PRKCE: variants seen among roughly 807,000 people sequenced by gnomAD.
The protein encoded by PRKCE is protein kinase C epsilon type.
Under a neutral mutation model 85.4 loss-of-function variants are expected in PRKCE, and 16 were observed. The observed-to-expected ratio is 0.19, with a 90% CI of 0.13 to 0.28. PRKCE has a LOEUF of 0.28. Among genes scored for constraint, PRKCE ranks in the 10% least tolerant of loss-of-function variants. The pLI is 1.00. For missense variants in PRKCE, 573 were observed against 975.2 expected, an observed-to-expected ratio of 0.59 and a Z score of 5.49; for synonymous variants, 388 against 371.5, an observed-to-expected ratio of 1.04 and a Z score of -0.51.
chr2:45,936,401 T>G (rs1335086209), intron 2 of PRKCE, among the ~76,000 whole-genome samples: 2 of 152,204 alleles, frequency 1.3e-5, no homozygotes, highest in Non-Finnish European at 2.9e-5. Flanking sequence ...CACGTGGTTT[T>G]GAATCACTCA....
At chr2:45,820,579 C>T (rs1298297948) in intron 1 of PRKCE, among the ~76,000 whole-genome samples, 4 of 152,068 alleles carry the variant, frequency 2.6e-5, no homozygotes, top group South Asian at 2.1e-4. Flanking sequence ...AGAAATGACT[C>T]GTGACAGCAG....
At chr2:45,941,705 C>G (rs374822406) in intron 2 of PRKCE, among the ~76,000 whole-genome samples, 1 of 152,244 alleles carries the variant, frequency 6.6e-6, no homozygotes, top group East Asian at 1.9e-4. Context: ...GCCTGGGTCA[C>G]TGAGCAATTC....
chr2:45,899,245 T>C (rs1252921022), intron 2 of PRKCE, among the ~76,000 whole-genome samples: 1 of 152,196 alleles, frequency 6.6e-6, no homozygotes, highest in East Asian at 1.9e-4. Flanking sequence ...AACTTTGTCT[T>C]TGGAAATTAA....
chr2:46,072,089 G>C (rs1368912616), intron 10 of PRKCE, among the ~76,000 whole-genome samples: 1 of 152,210 alleles, frequency 6.6e-6, no homozygotes, highest in Non-Finnish European at 1.5e-5. Context: ...ACTGCTCAGT[G>C]TTCAGAGTAA....
intron 1 of PRKCE, among the ~76,000 whole-genome samples, chr2:45,808,071 C>T (rs532190857): frequency 3.9e-4 from 59 of 152,244 alleles, no homozygotes; most frequent in Admixed American, 9.2e-4. Flanking sequence ...ATCATGGTAG[C>T]GCATAGTGGT....
chr2:45,782,602 G>A (rs2105014993), intron 1 of PRKCE, among the ~76,000 whole-genome samples: 1 of 152,242 alleles, frequency 6.6e-6, no homozygotes, highest in East Asian at 1.9e-4. Flanking sequence ...GAAAGCCAGT[G>A]TTTCCAAGAT....
At chr2:45,938,614 A>G (rs1038868206) in intron 2 of PRKCE, among the ~76,000 whole-genome samples, 2 of 152,078 alleles carry the variant, frequency 1.3e-5, no homozygotes, top group African/African-American at 4.8e-5. Flanking sequence ...TCCAATTTGC[A>G]TTCTTTCCTA....
chr2:45,959,166 G>A (rs778611867), intron 2 of PRKCE, among the ~76,000 whole-genome samples: 7 of 152,032 alleles, frequency 4.6e-5, no homozygotes, highest in Non-Finnish European at 8.8e-5. Context: ...GCAAGAGGAA[G>A]GTGGTTGTCG....
At chr2:45,781,778 C>T (rs571203283) in intron 1 of PRKCE, among the ~76,000 whole-genome samples, 1 of 152,118 alleles carries the variant, frequency 6.6e-6, no homozygotes, top group Non-Finnish European at 1.5e-5. Context: ...TTATCACTTT[C>T]CTAAACTCCT....
chr2:45,933,249 G>A (rs949721053), intron 2 of PRKCE, among the ~76,000 whole-genome samples: 3 of 152,134 alleles, frequency 2.0e-5, no homozygotes, highest in African/African-American at 7.2e-5. Flanking sequence ...TGAATTGCAA[G>A]TACCTTCTTG....
At chr2:46,061,201 C>G (rs1667089920) in intron 10 of PRKCE, among the ~76,000 whole-genome samples, 1 of 150,462 alleles carries the variant, frequency 6.6e-6, no homozygotes, top group African/African-American at 2.5e-5. Context: ...CCTCAAATGC[C>G]CAGGCTCAGG....
At chr2:45,691,860 C>T (rs961546107) in intron 1 of PRKCE, among the ~76,000 whole-genome samples, 4 of 152,210 alleles carry the variant, frequency 2.6e-5, no homozygotes, top group Non-Finnish European at 4.4e-5. Flanking sequence ...TTCCATGAGG[C>T]ATGGGAAGCC....
chr2:46,179,400 C>A (rs1679751326), intron 14 of PRKCE, among the ~76,000 whole-genome samples: 1 of 152,094 alleles, frequency 6.6e-6, no homozygotes, highest in Non-Finnish European at 1.5e-5. Context: ...GGCCTCAGAG[C>A]TGCCTGAGCT....
rs1434067419 is a variant in PRKCE, at chr2:45,845,913, C to T, written c.412+2850C>T. ...CCTTTGGTACAATTTGAATAGACAT[C>T]TGTCAGAGCTCGTGGCTGAGGGCTG... On this transcript the variant is annotated intron_variant, in intron 2 of 14. Transcript: ENST00000306156. Among the ~76,000 whole-genome samples the T allele has an allele frequency of 2.0e-5, 3 of 152,188 alleles. No individual in the cohort carries two copies. In the East Asian group the frequency reaches 5.8e-4, roughly 29 times the overall value.
At chr2:45,678,480 C>G (rs1676641826) in intron 1 of PRKCE, among the ~76,000 whole-genome samples, 2 of 152,262 alleles carry the variant, frequency 1.3e-5, no homozygotes, top group African/African-American at 4.8e-5. Flanking sequence ...GTTAAGGTAA[C>G]CAGTCATTTC....
intron 14 of PRKCE, among the ~76,000 whole-genome samples, chr2:46,181,619 G>A (rs552465976): frequency 2.6e-5 from 4 of 152,322 alleles, no homozygotes; most frequent in African/African-American, 9.6e-5. Context: ...ACATCCTGTA[G>A]GATCTAGCTT....
At chr2:45,744,499 CT>C (rs59819241) in intron 1 of PRKCE, among the ~76,000 whole-genome samples, 2,270 of 39,018 alleles carry the variant, frequency 0.058, 129 homozygotes, top group Middle Eastern at 0.089. Flanking sequence ...TTCTTTCTTT[CT>C]TTTCTTTCTT....
chr2:46,124,168 T>C (rs910629493), intron 11 of PRKCE, among the ~76,000 whole-genome samples: 22 of 152,160 alleles, frequency 1.4e-4, no homozygotes, highest in African/African-American at 5.3e-4. Flanking sequence ...CTACTAAAAA[T>C]ACAAGAATTA....
chr2:46,109,906 T>C (rs1011551912), intron 11 of PRKCE, among the ~76,000 whole-genome samples: 4 of 152,130 alleles, frequency 2.6e-5, no homozygotes, highest in African/African-American at 9.6e-5. Context: ...ATTTTTATAA[T>C]GAATGGGTAT....
Sources: gnomAD v4.1 joint callset for allele counts (sites outside exome capture counted in the v4.1 genomes callset) on GRCh38, gnomAD v4.1.1 for gene constraint, MANE v1.5 for transcripts, NCBI Gene and HGNC (gene_info 2026-07-23, HGNC 2026-07-21) for gene names.